The following NUMB variants were observed in gnomAD, a reference collection of about 807,000 sequenced individuals.
The protein encoded by NUMB is protein numb homolog.
Under a neutral mutation model 59.7 loss-of-function variants are expected in NUMB, and 29 were observed. The ratio of observed to expected loss-of-function variants is 0.49; its 90% CI spans 0.36 to 0.66. The LOEUF (loss-of-function observed/expected upper bound fraction) is 0.66, where lower values mean the gene tolerates loss of function less well. Ranked by LOEUF, NUMB falls within the 30% of genes least tolerant of loss-of-function variation. NUMB has a pLI of 0.00. For synonymous variants in NUMB, 288 were observed against 288.2 expected (o/e 1.00, Z 0.01); for missense variants, 723 against 822.0 (o/e 0.88, Z 1.47).
At chr14:73,442,764 G>A (rs1268508371) in intron 1 of NUMB, among the ~76,000 whole-genome samples, 1 of 152,206 alleles carries the variant, frequency 6.6e-6, no homozygotes, top group East Asian at 1.9e-4. Flanking sequence ...AATAGAAAGG[G>A]AGAGATGTAT....
chr14:73,387,341 G>A (rs1472144838), intron 2 of NUMB, among the ~76,000 whole-genome samples: 1 of 152,070 alleles, frequency 6.6e-6, no homozygotes, highest in Non-Finnish European at 1.5e-5. Context: ...GTTTATACAC[G>A]ACGGTTTAAT....
chr14:73,420,255 C>T (rs1897300720), intron 1 of NUMB, among the ~76,000 whole-genome samples: 1 of 152,176 alleles, frequency 6.6e-6, no homozygotes, highest in African/African-American at 2.4e-5. Context: ...GACACGTTGT[C>T]GTCTGACACA....
intron 1 of NUMB, among the ~76,000 whole-genome samples, chr14:73,425,398 GGTCTCGCT>G (rs1897536486): frequency 6.6e-6 from 1 of 151,732 alleles, no homozygotes; most frequent in African/African-American, 2.4e-5. Flanking sequence ...TAGAAATAGG[GGTCTCGCT>G]ATGTTGCCCA....
At chr14:73,285,524 CA>C (rs1888929191) in intron 9 of NUMB, 1 of 151,942 alleles carries the variant, frequency 6.6e-6, no homozygotes, top group South Asian at 2.1e-4. Flanking sequence ...GAAAAAAAAT[CA>C]CTATCAATAA....
chr14:73,397,261 TG>T (rs1297178742), intron 2 of NUMB, among the ~76,000 whole-genome samples: 2 of 152,210 alleles, frequency 1.3e-5, no homozygotes, highest in African/African-American at 2.4e-5. Context: ...CTGGTATCTC[TG>T]GTCCAAGGAC....
At chr14:73,420,816 A>T (rs1053009068) in intron 1 of NUMB, among the ~76,000 whole-genome samples, 3 of 152,198 alleles carry the variant, frequency 2.0e-5, no homozygotes, top group Non-Finnish European at 2.9e-5. Flanking sequence ...ACCTATACAC[A>T]GAATCACCAT....
Position 73,284,278 on chromosome 14 carries a change from G to A in NUMB, c.752C>T (p.Thr251Ile), listed in dbSNP as rs1257309209. 1.2e-6 allele frequency: 2 copies of A among 1,614,200 alleles called. No homozygotes were observed. Among genetic ancestry groups the A allele is most frequent in the Non-Finnish European group, 1.7e-6 (2 of 1,180,028 alleles). The change falls in exon 10 of 13, where the codon ACC becomes ATC. Residue 251 changes from threonine to isoleucine, a missense_variant. By Grantham distance (89) the Thr-to-Ile change is moderately conservative. Around this residue, in one of 2 missense-constraint regions of NUMB, gnomAD observed 317 missense variants for 436.6 expected, o/e 0.73. Transcript: ENST00000555238. ...ATGAGGATTGTTCATCTCCAGAGAGGTCGTGGCATCAGAAGTAGGAGAGGT... is the reference window on the plus strand; with the variant it reads ...ATGAGGATTGTTCATCTCCAGAGAGATCGTGGCATCAGAAGTAGGAGAGGT... ...SPTSPTSDATTSLEMNNPHAI... is the reference protein window; with the variant it reads ...SPTSPTSDATISLEMNNPHAI...
intron 1 of NUMB, among the ~76,000 whole-genome samples, chr14:73,451,664 T>G (rs375695051): frequency 6.6e-6 from 1 of 152,010 alleles, no homozygotes; most frequent in South Asian, 2.1e-4. Context: ...AAAATGTACC[T>G]GAGATGTACA....
At chr14:73,413,897 T>C (rs1045608420) in intron 1 of NUMB, among the ~76,000 whole-genome samples, 1 of 152,140 alleles carries the variant, frequency 6.6e-6, no homozygotes, top group Non-Finnish European at 1.5e-5. Context: ...AGTATTATAA[T>C]ATTAAGCAGT....
chr14:73,404,865 A>G (rs1378674238), intron 2 of NUMB, among the ~76,000 whole-genome samples: 3 of 151,888 alleles, frequency 2.0e-5, no homozygotes, highest in South Asian at 4.2e-4. Flanking sequence ...GGTTCAAGCA[A>G]TTCTTATGCC....
chr14:73,365,868 A>G lies in NUMB; in HGVS notation c.-16+1029T>C, dbSNP rs182027593. On this transcript the variant is annotated intron_variant, in intron 3 of 12. Coordinates refer to ENST00000555238, the MANE Select transcript of NUMB (RefSeq NM_001005743.2). The stretch of plus-strand genomic sequence containing the variant: ...ATAAACAAGTATGAGAAAAGAATAC[A>G]TGATCAGTTCATGGCTGAGTTCTAG... 3.2e-4 allele frequency among the ~76,000 whole-genome samples: 48 copies of G among 152,364 alleles called. No homozygotes were observed. The East Asian group carries it at 9.1e-3, about 29-fold the overall frequency.
rs117924140 is a variant in NUMB, at chr14:73,393,501, G to C, written c.-101+16436C>G. ...TATAAATCTGGAAGATTGGCAATTTGACAGACTCTAATGCCATCATAAAAT... is the reference window on the plus strand; with the variant it reads ...TATAAATCTGGAAGATTGGCAATTTCACAGACTCTAATGCCATCATAAAAT... On this transcript the variant is annotated intron_variant, in intron 2 of 12. Transcript: ENST00000555238. 4.6e-3 allele frequency among the ~76,000 whole-genome samples: 708 copies of C among 152,286 alleles called. 4 individuals are homozygous for C. Among genetic ancestry groups the C allele is most frequent in the South Asian group, 0.03 (143 of 4,822 alleles).
chr14:73,371,533 CA>C (rs879379679), intron 2 of NUMB, among the ~76,000 whole-genome samples: 29 of 136,710 alleles, frequency 2.1e-4, no homozygotes, highest in East Asian at 8.4e-4. Flanking sequence ...GACTCCATCT[CA>C]AAAAAAAAAA....
chr14:73,444,708 T>G (rs1223859936), intron 1 of NUMB, among the ~76,000 whole-genome samples: 3 of 151,774 alleles, frequency 2.0e-5, no homozygotes, highest in Non-Finnish European at 2.9e-5. Flanking sequence ...AATACAAAAA[T>G]TAGCCAGGCG....
At chr14:73,423,338 G>GAA (rs34877673) in intron 1 of NUMB, among the ~76,000 whole-genome samples, 15 of 111,068 alleles carry the variant, frequency 1.4e-4, no homozygotes, top group Admixed American at 2.0e-4. Flanking sequence ...TGTCTCTACT[G>GAA]AAAAAAAAAA....
chr14:73,439,969 T>G (rs1882898989), intron 1 of NUMB, among the ~76,000 whole-genome samples: 1 of 152,148 alleles, frequency 6.6e-6, no homozygotes, highest in Non-Finnish European at 1.5e-5. Context: ...AGGATGAAAT[T>G]ATATACAACC....
At chr14:73,385,700 T>C (rs908371360) in intron 2 of NUMB, among the ~76,000 whole-genome samples, 6 of 151,564 alleles carry the variant, frequency 4.0e-5, no homozygotes, top group African/African-American at 1.5e-4. Context: ...CTGGGTTTCG[T>C]CATGTTGGCC....
Position 73,383,340 on chromosome 14 carries a change from T to C in NUMB, c.-100-16359A>G, listed in dbSNP as rs565776465. Among the ~76,000 whole-genome samples the C allele has an allele frequency of 4.6e-5, 7 of 152,098 alleles. No individual in the cohort carries two copies. The South Asian group carries it at 1.5e-3, about 32-fold the overall frequency. ...TGAAAATCGAGAACTAAAAAATACA[T>C]AATATAAAACTAACAATATAGCAGA... On this transcript the variant is annotated intron_variant, in intron 2 of 12. Coordinates refer to ENST00000555238, the MANE Select transcript of NUMB (RefSeq NM_001005743.2).
At chr14:73,319,257 C>T (rs1220117056) in intron 5 of NUMB, among the ~76,000 whole-genome samples, 1 of 151,988 alleles carries the variant, frequency 6.6e-6, no homozygotes, top group East Asian at 1.9e-4. Flanking sequence ...AGCGAAACTC[C>T]ACTCCAAAAA....
Sources: gnomAD v4.1 joint callset for allele counts (sites outside exome capture counted in the v4.1 genomes callset) on GRCh38, gnomAD v4.1.1 for gene constraint, gnomAD v4.1.1 regional missense constraint, MANE v1.5 for transcripts, NCBI Gene and HGNC (gene_info 2026-07-23, HGNC 2026-07-21) for gene names.